RSPH9: variants seen among roughly 807,000 people sequenced by gnomAD.
RSPH9 encodes the protein radial spoke head component 9, also known as radial spoke head protein 9 homolog.
Under a neutral mutation model 27.0 loss-of-function variants are expected in RSPH9, and 27 were observed. The observed-to-expected ratio is 1.00, with a 90% CI of 0.74 to 1.38. RSPH9 has a LOEUF of 1.38. Ranked by LOEUF, RSPH9 falls within the 40% of genes most tolerant of loss-of-function variation. RSPH9 has a pLI of 0.00. For missense variants in RSPH9, 347 were observed against 357.4 expected (o/e 0.97, Z 0.24); for synonymous variants, 145 against 147.7 (o/e 0.98, Z 0.13).
At chr6:43,663,513 C>G (rs1772835381) in intron 4 of RSPH9, among the ~76,000 whole-genome samples, 2 of 152,230 alleles carry the variant, frequency 1.3e-5, no homozygotes, top group South Asian at 4.1e-4. Context: ...ACCAATGCGC[C>G]CAGCCTCTGT....
At chr6:43,664,385 T>C (rs1359321939) in intron 4 of RSPH9, among the ~76,000 whole-genome samples, 2 of 152,216 alleles carry the variant, frequency 1.3e-5, no homozygotes, top group East Asian at 3.9e-4. Context: ...CGTGAGCCAC[T>C]GCACCTGGCC....
intron 2 of RSPH9, among the ~76,000 whole-genome samples, chr6:43,653,383 G>T (rs1356015734): frequency 1.4e-5 from 2 of 147,484 alleles, no homozygotes; most frequent in Non-Finnish European, 3.0e-5. Flanking sequence ...GGAGGCGGAG[G>T]TTGCAGTGAG....
intron 4 of RSPH9, 85 bp from the exon 5 acceptor site, chr6:43,670,704 C>A: frequency 7.8e-7 from 1 of 1,283,332 alleles, no homozygotes; most frequent in Non-Finnish European, 1.1e-6. Context: ...GGCCTGGCTG[C>A]CCAAGGAGCC....
At chr6:43,658,700 C>G (rs987869092) in intron 4 of RSPH9, among the ~76,000 whole-genome samples, 10 of 152,122 alleles carry the variant, frequency 6.6e-5, no homozygotes, top group African/African-American at 2.2e-4. Flanking sequence ...CGCCACCATG[C>G]CTGGCTAATC....
intron 4 of RSPH9, chr6:43,666,353 A>C: frequency 8.2e-7 from 1 of 1,226,044 alleles, no homozygotes; most frequent in Non-Finnish European, 1.2e-6. Flanking sequence ...TCCCTGGGAC[A>C]CCAGGACTGG....
intron 4 of RSPH9, among the ~76,000 whole-genome samples, chr6:43,669,862 A>G (rs74625380): frequency 0.059 from 9,047 of 152,244 alleles, 389 homozygotes; most frequent in East Asian, 0.21. Context: ...GTGTGGGGAG[A>G]CAAAAACCAG....
chr6:43,660,497 T>G (rs1286783382), intron 4 of RSPH9, among the ~76,000 whole-genome samples: 2 of 152,024 alleles, frequency 1.3e-5, no homozygotes, highest in Non-Finnish European at 2.9e-5. Context: ...AGAGTCTTGC[T>G]CTGTCACACA....
rs1323568976 is a variant in RSPH9, at chr6:43,671,887, GAGCCCAGCGCGTC to G, written c.*941_*953del. 6.2e-7 allele frequency: 1 copy of G among 1,612,326 alleles called. No individual in the cohort carries two copies. Among genetic ancestry groups the G allele is most frequent in the East Asian group, 2.2e-5 (1 of 44,844 alleles). On this transcript the variant is annotated 3_prime_UTR_variant, in exon 5 of 5. Transcript: ENST00000372163. ...TTGTAGATGGGCTTGACGGAGCCAG[GAGCCCAGCGCGTC>G]AGGTACCTGTGGAGGGAGAACAAAG...
In RSPH9 at chr6:43,671,357, C is replaced by G. The variant is rs1582404271; in HGVS notation, c.*408C>G. The G allele has an allele frequency of 1.5e-5, 6 of 396,794 alleles. No homozygotes were observed. In the East Asian group the frequency reaches 3.2e-4, roughly 21 times the overall value. The allele number at this position is 396,794 out of a possible 1,614,324, so 24.6% of individuals were successfully genotyped here. On this transcript the variant is annotated 3_prime_UTR_variant, in exon 5 of 5. Coordinates refer to ENST00000372163, the MANE Select transcript of RSPH9 (RefSeq NM_152732.5). The stretch of plus-strand genomic sequence containing the variant: ...CATGAATTCAATTGACTCATTGGCC[C>G]CATCACAAGAGATCAGTGACTCAAT...
intron 4 of RSPH9, among the ~76,000 whole-genome samples, chr6:43,665,182 C>T (rs965454916): frequency 6.6e-6 from 1 of 152,206 alleles, no homozygotes; most frequent in African/African-American, 2.4e-5. Context: ...GCAGCCAAGA[C>T]CAAAGCCAGC....
chr6:43,671,286 G>A lies in RSPH9; in HGVS notation c.*337G>A. The A allele has an allele frequency of 2.1e-6, 1 of 473,874 alleles. No homozygotes were observed. The highest frequency in any genetic ancestry group is 2.4e-5 in the South Asian group (1 of 42,366). 29.4% of individuals were successfully genotyped at this position (473,874 alleles called of 1,614,324 possible). On this transcript the variant is annotated 3_prime_UTR_variant, in exon 5 of 5. Transcript: ENST00000372163. ...CTTGGCTCCCTGCAGCTCTCCCACAGTAAGGAGCTCACAGCTGTCATGAAG... is the reference window on the plus strand; with the variant it reads ...CTTGGCTCCCTGCAGCTCTCCCACAATAAGGAGCTCACAGCTGTCATGAAG...
intron 4 of RSPH9, among the ~76,000 whole-genome samples, chr6:43,669,127 C>A (rs920761422): frequency 2.0e-5 from 3 of 152,198 alleles, no homozygotes; most frequent in Non-Finnish European, 4.4e-5. Flanking sequence ...TTCTCAGGGG[C>A]AGTGTTCCAG....
intron 4 of RSPH9, among the ~76,000 whole-genome samples, chr6:43,667,920 G>A (rs892636031): frequency 1.3e-5 from 2 of 152,122 alleles, no homozygotes; most frequent in Admixed American, 6.5e-5. Context: ...TTTCTTCCAG[G>A]ATGGCAGGAG....
intron 4 of RSPH9, among the ~76,000 whole-genome samples, chr6:43,662,772 CCTAT>C (rs1186631665): frequency 6.6e-6 from 1 of 152,098 alleles, no homozygotes; most frequent in African/African-American, 2.4e-5. Context: ...GTATAAGAGG[CCTAT>C]CTTTCAGCCT....
intron 3 of RSPH9, 87 bp downstream of exon 3, chr6:43,655,778 C>A: frequency 6.8e-7 from 1 of 1,466,988 alleles, no homozygotes; most frequent in Non-Finnish European, 9.5e-7. Context: ...AGCAGGGGGG[C>A]TTACACACTT....
intron 4 of RSPH9, among the ~76,000 whole-genome samples, chr6:43,657,499 T>G (rs1475375135): frequency 6.6e-6 from 1 of 152,164 alleles, no homozygotes; most frequent in Admixed American, 6.5e-5. Context: ...ACACAGTAAG[T>G]GTTAAAGTGT....
intron 4 of RSPH9, among the ~76,000 whole-genome samples, chr6:43,663,321 C>A (rs1003766196): frequency 6.6e-6 from 1 of 152,012 alleles, no homozygotes; most frequent in Non-Finnish European, 1.5e-5. Flanking sequence ...TGGGTTCAAG[C>A]GATTCTTCTG....
chr6:43,650,270 C>A, intron 1 of RSPH9, 105 bp from the exon 2 acceptor site: 1 of 1,390,758 alleles, frequency 7.2e-7, no homozygotes, highest in Non-Finnish European at 1.0e-6. Context: ...GTGGCCATTT[C>A]AACAGCTTTT....
intron 4 of RSPH9, among the ~76,000 whole-genome samples, chr6:43,659,314 C>A (rs1024556263): frequency 4.6e-5 from 7 of 150,712 alleles, no homozygotes; most frequent in African/African-American, 1.7e-4. Flanking sequence ...CCTCCACCTT[C>A]TGGGTTCAAG....
Sources: allele counts gnomAD v4.1 joint callset (sites outside exome capture counted in the v4.1 genomes callset), GRCh38; gene constraint gnomAD v4.1.1; transcripts MANE v1.5; gene names NCBI Gene and HGNC (gene_info 2026-07-23, HGNC 2026-07-21).